The following SEMA5A variants were observed in gnomAD, a reference collection of about 807,000 sequenced individuals.
SEMA5A encodes the protein semaphorin 5A.
SEMA5A carries 55 observed loss-of-function variants against 135.5 expected under a neutral mutation model. The ratio of observed to expected loss-of-function variants is 0.41; its 90% CI spans 0.33 to 0.51. SEMA5A has a LOEUF of 0.51. Ranked by LOEUF, SEMA5A falls within the 20% of genes least tolerant of loss-of-function variation. The pLI is 0.37. For synonymous variants in SEMA5A, 580 were observed against 546.5 expected (o/e 1.06, Z -0.85); for missense variants, 1,290 against 1,419.9 (o/e 0.91, Z 1.47).
Position 9,473,383 on chromosome 5 carries a change from T to TTAAAA in SEMA5A, c.-174-35532_-174-35531insTTTTA, listed in dbSNP as rs375160174. On this transcript the variant is annotated intron_variant, in intron 1 of 22. Transcript: ENST00000382496. ...ATTGGCTGCATATGGCAATCAGTGG[T>TTAAAA]AAAAAAAAAAAAAAAAAAAAAGACT... 2.6e-3 allele frequency among the ~76,000 whole-genome samples: 210 copies of TTAAAA among 79,704 alleles called. 6 individuals are homozygous for TTAAAA. The highest frequency in any genetic ancestry group is 9.0e-3 in the African/African-American group (177 of 19,710). The allele number at this position is 79,704 out of a possible 152,430, so 52.3% of individuals were successfully genotyped here.
rs555302113 is a variant in SEMA5A, at chr5:9,171,545, G to C, written c.1274-16850C>G. Reference sequence around the variant, plus strand: ...AATGATGCAGAGTCCAGGGCCCCCAGCTCTCCAGCTTCCATTGACTTTCCA... The same window carrying C: ...AATGATGCAGAGTCCAGGGCCCCCACCTCTCCAGCTTCCATTGACTTTCCA... On this transcript the variant is annotated intron_variant, in intron 11 of 22. Coordinates refer to ENST00000382496, the MANE Select transcript of SEMA5A (RefSeq NM_003966.3). 6.9e-4 allele frequency among the ~76,000 whole-genome samples: 105 copies of C among 152,288 alleles called. 1 individual carries two copies. The highest frequency in any genetic ancestry group is 2.4e-3 in the Admixed American group (36 of 15,296).
At chr5:9,398,600 C>T (rs1756510260) in intron 2 of SEMA5A, among the ~76,000 whole-genome samples, 1 of 152,226 alleles carries the variant, frequency 6.6e-6, no homozygotes, top group Non-Finnish European at 1.5e-5. Context: ...GCTGAGGATA[C>T]TGAAGAACTG....
At chr5:9,221,581 C>A (rs1223960228) in intron 8 of SEMA5A, among the ~76,000 whole-genome samples, 2 of 152,144 alleles carry the variant, frequency 1.3e-5, no homozygotes, top group Non-Finnish European at 2.9e-5. Flanking sequence ...GGATTACAGG[C>A]GTGAGCCACC....
At chr5:9,263,040 GAAA>G (rs574641708) in intron 5 of SEMA5A, among the ~76,000 whole-genome samples, 13 of 128,164 alleles carry the variant, frequency 1.0e-4, no homozygotes, top group African/African-American at 3.6e-4. Flanking sequence ...TCTGTCAATA[GAAA>G]AAAAAAAAAA....
intron 21 of SEMA5A, among the ~76,000 whole-genome samples, chr5:9,049,224 C>T (rs547096214): frequency 2.0e-5 from 3 of 152,198 alleles, no homozygotes; most frequent in East Asian, 1.9e-4. Context: ...TGCAGTGGCA[C>T]GATCTCAGCT....
At chr5:9,108,461 T>C (rs1191465924) in intron 15 of SEMA5A, among the ~76,000 whole-genome samples, 174 bp from the exon 16 acceptor site, 1 of 152,168 alleles carries the variant, frequency 6.6e-6, no homozygotes, top group African/African-American at 2.4e-5. Flanking sequence ...GTGCTGGCCA[T>C]GCTGTGTGTG....
chr5:9,498,750 C>T (rs897775979), intron 1 of SEMA5A: 1 of 152,140 alleles, frequency 6.6e-6, no homozygotes, highest in African/African-American at 2.4e-5. Flanking sequence ...ACCCAGTAAC[C>T]TTGTCATGCC....
intron 3 of SEMA5A, among the ~76,000 whole-genome samples, chr5:9,358,637 T>C (rs887484246): frequency 2.6e-5 from 4 of 152,206 alleles, no homozygotes; most frequent in Non-Finnish European, 5.9e-5. Flanking sequence ...TTGATAAAGA[T>C]GTGATTCAAT....
intron 12 of SEMA5A, among the ~76,000 whole-genome samples, chr5:9,141,758 TAA>T (rs1185968824): frequency 6.6e-6 from 1 of 152,090 alleles, no homozygotes; most frequent in African/African-American, 2.4e-5. Context: ...AACAGAAAAA[TAA>T]GTTTATTCAT....
intron 5 of SEMA5A, 29 bp downstream of exon 5, chr5:9,318,342 GA>G (rs775306255): frequency 6.3e-7 from 1 of 1,599,372 alleles, no homozygotes; most frequent in Non-Finnish European, 8.5e-7. Flanking sequence ...GATGGAAAAT[GA>G]AAGCTTGAGA....
chr5:9,514,643 T>A (rs1376723477), intron 1 of SEMA5A, among the ~76,000 whole-genome samples: 1 of 152,250 alleles, frequency 6.6e-6, no homozygotes, highest in Admixed American at 6.5e-5. Flanking sequence ...GTTGTTATAC[T>A]GTATTGCTTA....
At chr5:9,515,989 C>T (rs572665064) in intron 1 of SEMA5A, among the ~76,000 whole-genome samples, 8 of 152,266 alleles carry the variant, frequency 5.3e-5, no homozygotes, top group African/African-American at 1.4e-4. Flanking sequence ...AATATAGTTA[C>T]GACATTTGTG....
At chr5:9,148,179 G>T (rs1490665398) in intron 12 of SEMA5A, among the ~76,000 whole-genome samples, 1 of 152,134 alleles carries the variant, frequency 6.6e-6, no homozygotes, top group Admixed American at 6.5e-5. Context: ...AAATATTAGG[G>T]TACAGATTAA....
At chr5:9,343,664 G>A (rs1412669487) in intron 3 of SEMA5A, among the ~76,000 whole-genome samples, 4 of 152,000 alleles carry the variant, frequency 2.6e-5, no homozygotes, top group Non-Finnish European at 4.4e-5. Context: ...TGAAATCTGA[G>A]CCAAAACTAT....
intron 5 of SEMA5A, among the ~76,000 whole-genome samples, chr5:9,255,850 C>T (rs1749041016): frequency 6.6e-6 from 1 of 152,190 alleles, no homozygotes; most frequent in Admixed American, 6.5e-5. Flanking sequence ...CCAAAAGCAT[C>T]TCAAACGTAA....
In SEMA5A at chr5:9,447,545, G is replaced by A. The variant is rs80253505; in HGVS notation, c.-174-9693C>T. On this transcript the variant is annotated intron_variant, in intron 1 of 22. Transcript: ENST00000382496. ...AAATAGCATCTCATTTTCGCATTAC[G>A]GCATGCAGGCAACTTGCTCAGGAAT... Among the ~76,000 whole-genome samples, 277 of 152,216 alleles carry A rather than the reference G, an allele frequency of 1.8e-3. 2 individuals are homozygous for A. Among genetic ancestry groups the A allele is most frequent in the African/African-American group, 6.4e-3 (264 of 41,538 alleles).
At chr5:9,141,627 T>G (rs1457535324) in intron 12 of SEMA5A, among the ~76,000 whole-genome samples, 1 of 152,182 alleles carries the variant, frequency 6.6e-6, no homozygotes, top group Admixed American at 6.5e-5. Context: ...AGACAGGCCT[T>G]AATTCTAAAA....
chr5:9,398,832 C>G (rs1161909533), intron 2 of SEMA5A, among the ~76,000 whole-genome samples: 3 of 152,230 alleles, frequency 2.0e-5, no homozygotes, highest in African/African-American at 7.2e-5. Flanking sequence ...TATCAGCAAT[C>G]TAGAAAGTGG....
At chr5:9,164,881 A>G (rs1165939891) in intron 11 of SEMA5A, among the ~76,000 whole-genome samples, 1 of 152,204 alleles carries the variant, frequency 6.6e-6, no homozygotes, top group Non-Finnish European at 1.5e-5. Context: ...GGAAGAAGGT[A>G]AAGTGGGAAA....
Sources: gnomAD v4.1 joint callset for allele counts (sites outside exome capture counted in the v4.1 genomes callset) on GRCh38, gnomAD v4.1.1 for gene constraint, MANE v1.5 for transcripts, NCBI Gene and HGNC (gene_info 2026-07-23, HGNC 2026-07-21) for gene names.